KANK1: variants seen among roughly 807,000 people sequenced by gnomAD.
KANK1 encodes the protein KN motif and ankyrin repeat domain-containing protein 1.
In KANK1, 109 loss-of-function variants were observed where a neutral mutation model predicts 106.2. The ratio of observed to expected loss-of-function variants is 1.03; its 90% CI spans 0.88 to 1.20. The LOEUF is 1.20. Ranked by LOEUF, KANK1 falls within the 50% of genes most tolerant of loss-of-function variation. KANK1 has a pLI of 0.00. For missense variants in KANK1, 2,399 were observed against 1,710.7 expected (o/e 1.40, Z -7.10); for synonymous variants, 873 against 652.2 (o/e 1.34, Z -5.16).
chr9:476,821 G>T, intron 3 of KANK1: 1 of 152,130 alleles, frequency 6.6e-6, no homozygotes, highest in East Asian at 1.9e-4. Context: ...TGTTTTTCTA[G>T]CTGTGTTTTA....
intron 2 of KANK1, among the ~76,000 whole-genome samples, chr9:683,043 G>A (rs987891662): frequency 6.6e-6 from 1 of 152,138 alleles, no homozygotes; most frequent in African/African-American, 2.4e-5. Flanking sequence ...GACTGGTCTG[G>A]CTAGAACCCA....
At chr9:725,496 C>CAAAAAAA (rs34245303) in intron 3 of KANK1, among the ~76,000 whole-genome samples, 1 of 116,852 alleles carries the variant, frequency 8.6e-6, no homozygotes, top group African/African-American at 3.5e-5. Flanking sequence ...GACTCTGTCT[C>CAAAAAAA]AAAAAAAAAA....
intron 1 of KANK1, among the ~76,000 whole-genome samples, chr9:670,557 G>A (rs1305404428): frequency 6.6e-6 from 1 of 152,122 alleles, no homozygotes. Flanking sequence ...TGGAAAGGCT[G>A]GCTAGGAGTT....
intron 1 of KANK1, among the ~76,000 whole-genome samples, chr9:608,301 T>G (rs1253018145): frequency 6.6e-6 from 1 of 151,676 alleles, no homozygotes; most frequent in East Asian, 1.9e-4. Context: ...CCTCCCAAAG[T>G]GCTGGGATTA....
intron 1 of KANK1, among the ~76,000 whole-genome samples, chr9:653,990 C>T (rs1588608036): frequency 1.3e-5 from 2 of 152,194 alleles, no homozygotes; most frequent in African/African-American, 2.4e-5. Flanking sequence ...TTCCTGGTTA[C>T]AGCCAAAGAC....
Position 712,920 on chromosome 9 carries a change from T to A in KANK1, c.2154T>A (p.Ala718=). Residue 718 remains alanine, a synonymous_variant, in exon 3 of 12, where the codon GCT becomes GCA. Transcript: ENST00000382297. ...STQTVETRTV[A]VGEGRVKDIN... Reference sequence around the variant, plus strand: ...AGACTGTGGAGACGCGGACAGTAGCTGTAGGAGAAGGCCGTGTCAAGGACA... The same window carrying A: ...AGACTGTGGAGACGCGGACAGTAGCAGTAGGAGAAGGCCGTGTCAAGGACA... The A allele has an allele frequency of 1.9e-6, 3 of 1,613,894 alleles. No individual in the cohort carries two copies. The highest frequency in any genetic ancestry group is 2.5e-6 in the Non-Finnish European group (3 of 1,179,992).
In KANK1 at chr9:528,624, G is replaced by A. The variant is rs182412670; in HGVS notation, c.-84+23870G>A. Among the ~76,000 whole-genome samples the A allele has an allele frequency of 3.7e-3, 561 of 151,704 alleles. 5 individuals are homozygous for A. Among genetic ancestry groups the A allele is most frequent in the African/African-American group, 0.013 (539 of 41,384 alleles). ...CAGTCTCAGCCTCTCAAGTAGCTGC[G>A]TTACAGGTGCCCGCCACCATGCCCA... is the stretch of plus-strand genomic sequence containing the variant. On this transcript the variant is annotated intron_variant, in intron 1 of 11. Coordinates refer to ENST00000382297, the MANE Select transcript of KANK1 (RefSeq NM_015158.5).
At chr9:493,247 C>T (rs1007937) in intron 3 of KANK1, among the ~76,000 whole-genome samples, 42,783 of 151,926 alleles carry the variant, frequency 0.28, 11,264 homozygotes, top group African/African-American at 0.68. Context: ...TCTTTCTCTC[C>T]ATCCCCACTT....
chr9:572,341 G>A (rs1390066666), intron 1 of KANK1, among the ~76,000 whole-genome samples: 2 of 151,778 alleles, frequency 1.3e-5, no homozygotes, highest in East Asian at 3.9e-4. Flanking sequence ...ATGAGGTCAA[G>A]AGATCGAGAC....
chr9:657,297 G>C (rs1207036826), intron 1 of KANK1, among the ~76,000 whole-genome samples: 1 of 152,164 alleles, frequency 6.6e-6, no homozygotes, highest in Non-Finnish European at 1.5e-5. Flanking sequence ...GGTTGCTTCT[G>C]CATGTTGGTC....
chr9:521,086 G>C (rs2059527215), intron 1 of KANK1, among the ~76,000 whole-genome samples: 1 of 151,736 alleles, frequency 6.6e-6, no homozygotes, highest in Non-Finnish European at 1.5e-5. Context: ...ATGAACTGTT[G>C]CTGATGTTCT....
intron 1 of KANK1, among the ~76,000 whole-genome samples, chr9:612,766 A>G (rs1201013596): frequency 6.6e-6 from 1 of 152,182 alleles, no homozygotes; most frequent in Non-Finnish European, 1.5e-5. Context: ...TAGCAGTTAT[A>G]TGTGAGCAAT....
At chr9:535,731 G>A (rs2060268818) in intron 1 of KANK1, among the ~76,000 whole-genome samples, 1 of 152,210 alleles carries the variant, frequency 6.6e-6, no homozygotes, top group South Asian at 2.1e-4. Context: ...CATGGTATTT[G>A]TGATTTCCTG....
At chr9:519,757 G>C (rs2059462165) in intron 1 of KANK1, among the ~76,000 whole-genome samples, 2 of 151,712 alleles carry the variant, frequency 1.3e-5, no homozygotes, top group Admixed American at 1.3e-4. Flanking sequence ...GTGAGCTGTT[G>C]AGCCTTGTCG....
upstream of KANK1, among the ~76,000 whole-genome samples, chr9:502,115 A>G (rs2058565448): frequency 6.6e-6 from 1 of 152,204 alleles, no homozygotes; most frequent in Non-Finnish European, 1.5e-5. Context: ...TTATGTTCCT[A>G]GTTATATGCA....
intron 1 of KANK1, among the ~76,000 whole-genome samples, chr9:653,770 A>G (rs1393077171): frequency 1.3e-5 from 2 of 152,204 alleles, no homozygotes; most frequent in African/African-American, 4.8e-5. Flanking sequence ...TTTTCTTCAA[A>G]TAAAAAAGAA....
chr9:671,511 G>GTCTGTGCCTGT (rs1491475182), intron 1 of KANK1, among the ~76,000 whole-genome samples: 4 of 146,254 alleles, frequency 2.7e-5, no homozygotes, highest in Admixed American at 6.9e-5. Flanking sequence ...GGACGTGGTG[G>GTCTGTGCCTGT]AGGCTGAGGC....
chr9:656,403 A>ATGG (rs1425984291), intron 1 of KANK1, among the ~76,000 whole-genome samples: 7 of 152,168 alleles, frequency 4.6e-5, no homozygotes, highest in African/African-American at 1.7e-4. Flanking sequence ...AGGCTATGAA[A>ATGG]GTGTCCTTGG....
intron 1 of KANK1, among the ~76,000 whole-genome samples, chr9:593,768 G>A (rs1825561299): frequency 2.0e-5 from 3 of 151,826 alleles, no homozygotes; most frequent in African/African-American, 7.3e-5. Flanking sequence ...GGACAGAAGT[G>A]AATTCTTCCA....
Sources: gnomAD v4.1 joint callset for allele counts (sites outside exome capture counted in the v4.1 genomes callset) on GRCh38, gnomAD v4.1.1 for gene constraint, MANE v1.5 for transcripts, NCBI Gene and HGNC (gene_info 2026-07-23, HGNC 2026-07-21) for gene names.